SRGAP3: variants seen among roughly 807,000 people sequenced by gnomAD.
SRGAP3 encodes SLIT-ROBO Rho GTPase-activating protein 3.
SRGAP3 carries 39 observed loss-of-function variants against 121.1 expected under a neutral mutation model. That is an observed-to-expected ratio of 0.32 (90% CI 0.25 to 0.42). The LOEUF (loss-of-function observed/expected upper bound fraction) is 0.42. Among genes scored for constraint, SRGAP3 ranks in the 10% least tolerant of loss-of-function variants. The probability of loss-of-function intolerance (pLI) is 1.00; values close to 1 mark genes in which losing one functional copy is unlikely to be tolerated. For synonymous variants in SRGAP3, 601 were observed against 570.0 expected (o/e 1.05, Z -0.77); for missense variants, 1,213 against 1,470.6 (o/e 0.82, Z 2.86).
At chr3:9,143,813 A>G (rs1020236500) in intron 1 of SRGAP3, among the ~76,000 whole-genome samples, 4 of 152,066 alleles carry the variant, frequency 2.6e-5, no homozygotes, top group Admixed American at 6.5e-5. Context: ...TGAGGAGACA[A>G]CACCTTGATT....
intron 18 of SRGAP3, among the ~76,000 whole-genome samples, chr3:9,006,092 GT>G (rs1277657383): frequency 6.7e-5 from 5 of 74,616 alleles, no homozygotes; most frequent in African/African-American, 3.2e-4. Context: ...TTTTTCTATT[GT>G]TCTTAATTTC....
intron 2 of SRGAP3, among the ~76,000 whole-genome samples, chr3:9,326,735 G>C (rs553560067): frequency 2.0e-5 from 3 of 151,894 alleles, no homozygotes; most frequent in African/African-American, 7.2e-5. Context: ...GTATTGGCTG[G>C]TTTAGCATGA....
At chr3:9,123,097 T>C (rs1166122132) in intron 2 of SRGAP3, among the ~76,000 whole-genome samples, 3 of 152,206 alleles carry the variant, frequency 2.0e-5, no homozygotes, top group Non-Finnish European at 2.9e-5. Flanking sequence ...ACAAATATTG[T>C]ATAATTGCAC....
chr3:9,301,456 T>C (rs1261264649), intron 3 of SRGAP3, among the ~76,000 whole-genome samples: 1 of 152,220 alleles, frequency 6.6e-6, no homozygotes, highest in Non-Finnish European at 1.5e-5. Flanking sequence ...GAGGCCTCTG[T>C]GTCAGTCAAA....
chr3:9,276,859 G>T (rs1030215410), intron 3 of SRGAP3, among the ~76,000 whole-genome samples: 1 of 152,206 alleles, frequency 6.6e-6, no homozygotes, highest in Non-Finnish European at 1.5e-5. Flanking sequence ...GGTCTCCAAA[G>T]AAATGGAATT....
At chr3:9,168,572 C>T (rs1165459169) in intron 1 of SRGAP3, among the ~76,000 whole-genome samples, 1 of 152,206 alleles carries the variant, frequency 6.6e-6, no homozygotes, top group Non-Finnish European at 1.5e-5. Flanking sequence ...CTTTCAAAAG[C>T]CCAAAGGTGG....
chr3:9,311,718 C>T (rs1345578570), intron 3 of SRGAP3, among the ~76,000 whole-genome samples: 3 of 152,074 alleles, frequency 2.0e-5, no homozygotes, highest in African/African-American at 7.3e-5. Flanking sequence ...GAAAACAGGC[C>T]ACAGGCTGCG....
upstream of SRGAP3, among the ~76,000 whole-genome samples, chr3:9,250,470 G>A (rs1369331476): frequency 6.6e-6 from 1 of 152,274 alleles, no homozygotes; most frequent in Non-Finnish European, 1.5e-5. Context: ...GAGGCCCTGG[G>A]AGAGGAAGAC....
At chr3:9,029,224 C>G (rs1189380706) in intron 12 of SRGAP3, among the ~76,000 whole-genome samples, 4 of 152,182 alleles carry the variant, frequency 2.6e-5, no homozygotes, top group Non-Finnish European at 5.9e-5. Flanking sequence ...CCATCCAGTG[C>G]TCTAGAAACA....
chr3:9,118,000 C>T (rs538757424), intron 2 of SRGAP3, among the ~76,000 whole-genome samples: 7 of 151,954 alleles, frequency 4.6e-5, no homozygotes, highest in African/African-American at 1.7e-4. Flanking sequence ...GATGTGGTGG[C>T]ATGTACCTGT....
intron 3 of SRGAP3, among the ~76,000 whole-genome samples, chr3:9,305,950 GT>G (rs1295212222): frequency 3.9e-5 from 6 of 152,192 alleles, no homozygotes; most frequent in African/African-American, 1.4e-4. Flanking sequence ...AAGTCAAATG[GT>G]ATTTCCAGTT....
intron 3 of SRGAP3, among the ~76,000 whole-genome samples, chr3:9,311,500 A>G (rs1955246440): frequency 6.6e-6 from 1 of 152,230 alleles, no homozygotes; most frequent in Admixed American, 6.5e-5. Flanking sequence ...GTCTGTCGCA[A>G]CCACTCAGCT....
intron 3 of SRGAP3, among the ~76,000 whole-genome samples, chr3:9,276,430 T>C (rs961535206): frequency 7.3e-4 from 20 of 27,540 alleles, no homozygotes; most frequent in African/African-American, 2.6e-3. Context: ...GACTGTTTGT[T>C]TTTTTTTTTT....
At chr3:9,314,099 G>A (rs1286538449) in intron 3 of SRGAP3, among the ~76,000 whole-genome samples, 1 of 152,234 alleles carries the variant, frequency 6.6e-6, no homozygotes, top group Non-Finnish European at 1.5e-5. Flanking sequence ...GTTCACTGCT[G>A]TACCACCAGT....
chr3:9,318,313 C>T (rs772566274), intron 3 of SRGAP3, among the ~76,000 whole-genome samples: 3 of 151,828 alleles, frequency 2.0e-5, no homozygotes, highest in South Asian at 4.1e-4. Flanking sequence ...CAGAATCTAC[C>T]GGCTTACTAC....
upstream of SRGAP3, among the ~76,000 whole-genome samples, chr3:9,252,866 G>A (rs1954048890): frequency 6.6e-6 from 1 of 152,236 alleles, no homozygotes; most frequent in African/African-American, 2.4e-5. Flanking sequence ...TGGTAGGTGT[G>A]AGGGGAGGGC....
intron 3 of SRGAP3, among the ~76,000 whole-genome samples, chr3:9,256,366 T>C (rs1559246277): frequency 6.6e-6 from 1 of 152,182 alleles, no homozygotes; most frequent in Non-Finnish European, 1.5e-5. Flanking sequence ...CTAGCAAAGT[T>C]TGCTCATTTC....
chr3:9,026,674 G>A (rs920309538), intron 13 of SRGAP3, among the ~76,000 whole-genome samples: 1 of 152,184 alleles, frequency 6.6e-6, no homozygotes, highest in Non-Finnish European at 1.5e-5. Flanking sequence ...CAGAGCTATA[G>A]GGTTGAGTTC....
chr3:9,058,647 G>T, intron 6 of SRGAP3, 175 bp from the exon 7 acceptor site: 1 of 641,290 alleles, frequency 1.6e-6, no homozygotes, highest in Non-Finnish European at 2.7e-6. Flanking sequence ...CCCCTCAAGG[G>T]GAGTTGCGGT....
Sources: allele counts gnomAD v4.1 joint callset (sites outside exome capture counted in the v4.1 genomes callset), GRCh38; gene constraint gnomAD v4.1.1; transcripts MANE v1.5; gene names NCBI Gene and HGNC (gene_info 2026-07-23, HGNC 2026-07-21).